Variants in PHYHIPL observed in about 807,000 individuals in gnomAD.
PHYHIPL encodes the protein phytanoyl-CoA 2-hydroxylase interacting protein like.
A neutral mutation model predicts 33.4 loss-of-function variants in PHYHIPL; 9 were observed. The ratio of observed to expected loss-of-function variants is 0.27; its 90% CI spans 0.16 to 0.47. The LOEUF is 0.47. PHYHIPL is among the 20% of genes least tolerant of loss of function. The pLI, the probability that PHYHIPL is intolerant of heterozygous loss-of-function variation, is 0.99. For missense variants in PHYHIPL, 365 were observed against 460.7 expected (o/e 0.79, Z 1.90); for synonymous variants, 153 against 154.1 (o/e 0.99, Z 0.05).
At chr10:59,177,432 C>G (rs1564697887) in intron 1 of PHYHIPL, 1 of 1,489,522 alleles carries the variant, frequency 6.7e-7, no homozygotes, top group Non-Finnish European at 8.9e-7. Context: ...TCCTCAGACT[C>G]CCCAAATTAA....
At chr10:59,183,530 T>G (rs1416741026) in intron 1 of PHYHIPL, 1 of 322,474 alleles carries the variant, frequency 3.1e-6, no homozygotes, top group African/African-American at 2.3e-5. Flanking sequence ...AGTTTTACAG[T>G]GACTTTTAAT....
rs145551460 is a variant in PHYHIPL at position 59,222,894 on chromosome 10, A to G, written c.107-11410A>G. 2.9e-4 allele frequency among the ~76,000 whole-genome samples: 44 copies of G among 152,282 alleles called. 1 individual carries two copies. The East Asian group carries it at 8.5e-3, about 29-fold the overall frequency. The stretch of plus-strand genomic sequence containing the variant: ...TTATTGTCTACTACATGCCAGATGT[A>G]TTAGATGTTTTATGTGGCTGCATAA... On this transcript the variant is annotated intron_variant, in intron 1 of 4. Transcript: ENST00000373880.
intron 2 of PHYHIPL, 21 bp downstream of exon 2, chr10:59,234,521 A>C: frequency 2.8e-4 from 407 of 1,478,384 alleles, no homozygotes; most frequent in Middle Eastern, 4.6e-4. Context: ...ACAAATACTC[A>C]TGCTAATTTG....
intron 1 of PHYHIPL, among the ~76,000 whole-genome samples, chr10:59,207,897 A>G (rs546554656): frequency 6.6e-6 from 1 of 151,998 alleles, no homozygotes; most frequent in African/African-American, 2.4e-5. Flanking sequence ...TCTCAAAAAA[A>G]AAAAAAAAAG....
chr10:59,242,772 G>C (rs1237203278), intron 4 of PHYHIPL, among the ~76,000 whole-genome samples: 1 of 152,100 alleles, frequency 6.6e-6, no homozygotes, highest in Admixed American at 6.5e-5. Context: ...AAGCTGGATA[G>C]ACTCCATGGA....
intron 1 of PHYHIPL, among the ~76,000 whole-genome samples, chr10:59,184,984 A>ATTTT (rs34336392): frequency 1.3e-4 from 12 of 92,112 alleles, no homozygotes; most frequent in Non-Finnish European, 1.8e-4. Flanking sequence ...TGAACTCATC[A>ATTTT]TTTTTTTTTT....
chr10:59,228,734 AG>A (rs1839996145), intron 1 of PHYHIPL, among the ~76,000 whole-genome samples: 1 of 152,164 alleles, frequency 6.6e-6, no homozygotes, highest in Non-Finnish European at 1.5e-5. Context: ...CTTTTAAGGG[AG>A]GTGAACCTAA....
intron 1 of PHYHIPL, among the ~76,000 whole-genome samples, chr10:59,227,094 T>G (rs1839947430): frequency 6.6e-6 from 1 of 152,164 alleles, no homozygotes; most frequent in Non-Finnish European, 1.5e-5. Flanking sequence ...TAAAGCAGGA[T>G]GCAAAAGTAT....
Position 59,246,470 on chromosome 10 carries a change from T to A in PHYHIPL, c.*879T>A, listed in dbSNP as rs1274247044. ...TAAGAGAATGTGAATTTCTTCAACATCATACTTAAACATTACAGAAAATAG... is the reference window on the plus strand; with the variant it reads ...TAAGAGAATGTGAATTTCTTCAACAACATACTTAAACATTACAGAAAATAG... On this transcript the variant is annotated 3_prime_UTR_variant, in exon 5 of 5. Transcript: ENST00000373880. The A allele has an allele frequency of 2.6e-6, 1 of 383,774 alleles. No homozygotes were observed. The allele number at this position is 383,774 out of a possible 1,614,324, so 23.8% of individuals were successfully genotyped here.
At chr10:59,183,738 A>C (rs943637731) in intron 1 of PHYHIPL, 2 of 931,772 alleles carry the variant, frequency 2.1e-6, no homozygotes, top group Admixed American at 1.2e-4. Flanking sequence ...TGTTATGACT[A>C]TTTGAGCCAT....
At chr10:59,216,590 A>G (rs1364939777) in intron 1 of PHYHIPL, among the ~76,000 whole-genome samples, 1 of 152,100 alleles carries the variant, frequency 6.6e-6, no homozygotes, top group Non-Finnish European at 1.5e-5. Flanking sequence ...TTTAGGTAGC[A>G]TGTTCTAAAC....
At chr10:59,212,547 G>A (rs564702614) in intron 1 of PHYHIPL, among the ~76,000 whole-genome samples, 1 of 152,200 alleles carries the variant, frequency 6.6e-6, no homozygotes, top group African/African-American at 2.4e-5. Flanking sequence ...AAGGCAAATG[G>A]TCAACCGTTA....
chr10:59,221,687 A>T (rs1839781295), intron 1 of PHYHIPL: 1 of 984,668 alleles, frequency 1.0e-6, no homozygotes, highest in Non-Finnish European at 1.2e-6. Flanking sequence ...CTAGAGCTGT[A>T]TTGTGAAGGA....
At chr10:59,198,046 CAG>C (rs1311099968) in intron 1 of PHYHIPL, among the ~76,000 whole-genome samples, 7 of 151,690 alleles carry the variant, frequency 4.6e-5, no homozygotes, top group Admixed American at 4.6e-4. Context: ...ATTTCTAAAG[CAG>C]TAATCTTTTT....
In PHYHIPL at chr10:59,176,654, C is replaced by T. The variant is rs1838258450; in HGVS notation, c.-200C>T. On this transcript the variant is annotated 5_prime_UTR_variant, in exon 1 of 5. Transcript: ENST00000373880. ...CTGCTCGGTCTCTCAGAGCCGCACACTCCGCGGAGCTCCTGCCACAGCCGT... is the reference window on the plus strand; with the variant it reads ...CTGCTCGGTCTCTCAGAGCCGCACATTCCGCGGAGCTCCTGCCACAGCCGT... The T allele has an allele frequency of 1.8e-6, 1 of 545,108 alleles. No homozygotes were observed. Among genetic ancestry groups the T allele is most frequent in the Non-Finnish European group, 3.2e-6 (1 of 308,064 alleles). 33.8% of individuals were successfully genotyped at this position (545,108 alleles called of 1,614,324 possible).
In PHYHIPL at chr10:59,246,639, T is replaced by G. The variant is rs1032398280; in HGVS notation, c.*1048T>G. On this transcript the variant is annotated 3_prime_UTR_variant, in exon 5 of 5. Transcript: ENST00000373880. ...GATGAAGCAAATAAATATTCTGGCT[T>G]CTTTTTCAAGGTATCAGGGCAAACA... is the stretch of plus-strand genomic sequence containing the variant. 5.0e-6 allele frequency: 2 copies of G among 397,794 alleles called. No individual in the cohort carries two copies. The highest frequency in any genetic ancestry group is 6.3e-4 in the Middle Eastern group (1 of 1,580). The allele number at this position is 397,794 out of a possible 1,614,324, so 24.6% of individuals were successfully genotyped here. A position where few individuals can be genotyped will look rare whatever the true frequency, so the allele number is the denominator to read the frequency against.
intron 1 of PHYHIPL, among the ~76,000 whole-genome samples, chr10:59,185,487 G>C (rs1838567043): frequency 6.6e-6 from 1 of 152,100 alleles, no homozygotes; most frequent in South Asian, 2.1e-4. Flanking sequence ...CCCAGTAATG[G>C]GATGGCTGGG....
At chr10:59,189,649 T>G (rs550255037) in intron 1 of PHYHIPL, among the ~76,000 whole-genome samples, 1 of 152,062 alleles carries the variant, frequency 6.6e-6, no homozygotes, top group East Asian at 1.9e-4. Context: ...TTCAAAGGAT[T>G]TAGGAAGACA....
intron 1 of PHYHIPL, among the ~76,000 whole-genome samples, chr10:59,188,685 T>A (rs1245055261): frequency 6.6e-6 from 1 of 152,214 alleles, no homozygotes; most frequent in Non-Finnish European, 1.5e-5. Context: ...GATAGTTAGT[T>A]CTTCTTGTTG....
Sources: gnomAD v4.1 joint callset for allele counts (sites outside exome capture counted in the v4.1 genomes callset) on GRCh38, gnomAD v4.1.1 for gene constraint, MANE v1.5 for transcripts, NCBI Gene and HGNC (gene_info 2026-07-23, HGNC 2026-07-21) for gene names.